Variants in DCC observed in about 807,000 individuals in gnomAD.
The protein encoded by DCC is DCC netrin 1 receptor, also known as netrin receptor DCC.
DCC carries 58 observed loss-of-function variants against 172.5 expected under a neutral mutation model. The observed-to-expected ratio is 0.34, with a 90% CI of 0.27 to 0.42. DCC has a LOEUF of 0.42. Among genes scored for constraint, DCC ranks in the 10% least tolerant of loss-of-function variants. The pLI is 1.00. For synonymous variants in DCC, 709 were observed against 644.5 expected, an observed-to-expected ratio of 1.10 and a Z score of -1.52; for missense variants, 1,740 against 1,791.0, an observed-to-expected ratio of 0.97 and a Z score of 0.51.
intron 2 of DCC, among the ~76,000 whole-genome samples, chr18:52,821,600 A>G (rs2038408235): frequency 6.6e-6 from 1 of 152,202 alleles, no homozygotes; most frequent in Admixed American, 6.5e-5. Context: ...CAATCTCATG[A>G]AAGTCATCAG....
intron 3 of DCC, among the ~76,000 whole-genome samples, chr18:52,919,729 A>G (rs1418099106): frequency 1.3e-5 from 2 of 152,118 alleles, no homozygotes; most frequent in Non-Finnish European, 2.9e-5. Flanking sequence ...GTTAAACAAC[A>G]TGAATCTAAA....
chr18:52,415,548 A>T lies in DCC; in HGVS notation c.91+74670A>T, dbSNP rs577733010. ...AAGGAGTTTGTAATCTAGAGGAGGGAGGAGGCCTTACATGGTAACTAAATG... is the reference window on the plus strand; with the variant it reads ...AAGGAGTTTGTAATCTAGAGGAGGGTGGAGGCCTTACATGGTAACTAAATG... On this transcript the variant is annotated intron_variant, in intron 1 of 28. Transcript: ENST00000442544. 3.9e-5 allele frequency among the ~76,000 whole-genome samples: 6 copies of T among 152,200 alleles called. No individual in the cohort carries two copies. In the South Asian group the frequency reaches 1.2e-3, roughly 32 times the overall value.
intron 1 of DCC, among the ~76,000 whole-genome samples, chr18:52,417,258 G>C (rs1987071060): frequency 6.6e-6 from 1 of 152,266 alleles, no homozygotes; most frequent in African/African-American, 2.4e-5. Flanking sequence ...AGTCTGATGG[G>C]CTTCCCTTGT....
chr18:53,340,108 CTTTGAA>C (rs1317897353), intron 15 of DCC, among the ~76,000 whole-genome samples: 5 of 151,046 alleles, frequency 3.3e-5, no homozygotes, highest in African/African-American at 9.8e-5. Context: ...ATATACATTT[CTTTGAA>C]TTTGGGATTT....
intron 12 of DCC, among the ~76,000 whole-genome samples, chr18:53,270,565 T>G (rs2056737480): frequency 6.6e-6 from 1 of 152,164 alleles, no homozygotes; most frequent in Non-Finnish European, 1.5e-5. Flanking sequence ...ATTCATATAC[T>G]GGGAGGTTTT....
At chr18:52,969,881 A>G (rs948284252) in intron 5 of DCC, among the ~76,000 whole-genome samples, 2 of 152,110 alleles carry the variant, frequency 1.3e-5, no homozygotes, top group African/African-American at 4.8e-5. Flanking sequence ...CAGGTATTCA[A>G]TAAGTATTTG....
At chr18:52,458,303 T>A (rs537891194) in intron 1 of DCC, among the ~76,000 whole-genome samples, 1 of 152,124 alleles carries the variant, frequency 6.6e-6, no homozygotes, top group Non-Finnish European at 1.5e-5. Context: ...AGCCTTCTGA[T>A]TGAGCCAGGG....
chr18:52,981,182 T>C (rs1346844850), intron 5 of DCC, among the ~76,000 whole-genome samples: 1 of 152,052 alleles, frequency 6.6e-6, no homozygotes, highest in Non-Finnish European at 1.5e-5. Flanking sequence ...TGGTCAAAAT[T>C]ATTTTATATT....
At chr18:52,906,443 G>A (rs968214038) in intron 3 of DCC, 115 bp downstream of exon 3, 53 of 1,077,816 alleles carry the variant, frequency 4.9e-5, no homozygotes, top group South Asian at 4.2e-4. Flanking sequence ...TGTTCATTGC[G>A]TTTTGTTTAT....
At chr18:52,627,851 T>A (rs1763907174) in intron 1 of DCC, among the ~76,000 whole-genome samples, 1 of 152,090 alleles carries the variant, frequency 6.6e-6, no homozygotes, top group Non-Finnish European at 1.5e-5. Context: ...ATGCTCTTTC[T>A]CTCTCTCTCT....
intron 15 of DCC, among the ~76,000 whole-genome samples, chr18:53,362,331 G>T (rs1053173910): frequency 9.2e-5 from 14 of 152,130 alleles, no homozygotes; most frequent in African/African-American, 3.1e-4. Flanking sequence ...GCAACTCTGG[G>T]TAATAATAGA....
chr18:52,459,068 A>G (rs1988547960), intron 1 of DCC, among the ~76,000 whole-genome samples: 1 of 151,956 alleles, frequency 6.6e-6, no homozygotes, highest in Middle Eastern at 3.2e-3. Flanking sequence ...TTTTTGCCCT[A>G]TGGGTACAAA....
chr18:53,493,660 C>CTTCT (rs1196014075), intron 26 of DCC, among the ~76,000 whole-genome samples: 1 of 152,020 alleles, frequency 6.6e-6, no homozygotes, highest in Non-Finnish European at 1.5e-5. Context: ...TCTCTCTTTT[C>CTTCT]TTCTTTAGTA....
chr18:52,793,600 C>A (rs1211324515), intron 2 of DCC, among the ~76,000 whole-genome samples: 3 of 152,144 alleles, frequency 2.0e-5, no homozygotes, highest in Non-Finnish European at 2.9e-5. Flanking sequence ...TGTGTCTTCA[C>A]TCTGTTGATT....
chr18:53,005,668 C>T lies in DCC; in HGVS notation c.986-57637C>T, dbSNP rs549960895. 4.6e-5 allele frequency among the ~76,000 whole-genome samples: 7 copies of T among 152,254 alleles called. No homozygotes were observed. In the East Asian group the frequency reaches 7.7e-4, roughly 17 times the overall value. On this transcript the variant is annotated intron_variant, in intron 5 of 28. Transcript: ENST00000442544. ...GATTGAACCCCAGAGGTGGAGCTTG[C>T]AGTGAGCTGAGATCATGCCACTGCA... is the stretch of plus-strand genomic sequence containing the variant.
chr18:53,260,567 T>G (rs2056583306), intron 12 of DCC, among the ~76,000 whole-genome samples: 1 of 152,152 alleles, frequency 6.6e-6, no homozygotes, highest in Non-Finnish European at 1.5e-5. Flanking sequence ...TCTGGAAGTT[T>G]TGTCTCGGAG....
intron 23 of DCC, among the ~76,000 whole-genome samples, chr18:53,456,933 C>T (rs2045490266): frequency 6.6e-6 from 1 of 152,110 alleles, no homozygotes; most frequent in Non-Finnish European, 1.5e-5. Context: ...TACAAACCTG[C>T]TGTGGTAGAG....
At chr18:53,309,964 G>GTGTATATATA (rs371302546) in intron 13 of DCC, among the ~76,000 whole-genome samples, 5 of 137,352 alleles carry the variant, frequency 3.6e-5, no homozygotes, top group African/African-American at 1.4e-4. Flanking sequence ...ATACGTGTGT[G>GTGTATATATA]TATATATATA....
intron 13 of DCC, among the ~76,000 whole-genome samples, chr18:53,312,640 T>C (rs1321718303): frequency 6.7e-6 from 1 of 150,056 alleles, no homozygotes; most frequent in Non-Finnish European, 1.5e-5. Context: ...AAACCCCGTC[T>C]TTACTAAAAA....
Sources: allele counts gnomAD v4.1 joint callset (sites outside exome capture counted in the v4.1 genomes callset), GRCh38; gene constraint gnomAD v4.1.1; transcripts MANE v1.5; gene names NCBI Gene and HGNC (gene_info 2026-07-23, HGNC 2026-07-21).